The following CCSER1 variants were observed in gnomAD, a reference collection of about 807,000 sequenced individuals.
The protein encoded by CCSER1 is serine-rich coiled-coil domain-containing protein 1.
A neutral mutation model predicts 82.0 loss-of-function variants in CCSER1; 41 were observed. The ratio of observed to expected loss-of-function variants is 0.50; its 90% CI spans 0.39 to 0.65. The LOEUF is 0.65. CCSER1 is among the 30% of genes least tolerant of loss of function. The pLI is 0.00. For synonymous variants in CCSER1, 414 were observed against 383.9 expected, an observed-to-expected ratio of 1.08 and a Z score of -0.92; for missense variants, 1,119 against 1,064.2, an observed-to-expected ratio of 1.05 and a Z score of -0.72.
intron 1 of CCSER1, among the ~76,000 whole-genome samples, chr4:90,215,847 T>C (rs1740899697): frequency 6.6e-6 from 1 of 152,164 alleles, no homozygotes; most frequent in African/African-American, 2.4e-5. Flanking sequence ...CAGGCTTTAC[T>C]ACCTGAGAAC....
chr4:91,249,808 C>T (rs1740112389), intron 10 of CCSER1, among the ~76,000 whole-genome samples: 2 of 151,978 alleles, frequency 1.3e-5, no homozygotes, highest in South Asian at 4.2e-4. Context: ...TGCTGGGCAC[C>T]TATTCATGGT....
At chr4:91,402,478 G>A (rs571997359) in intron 10 of CCSER1, among the ~76,000 whole-genome samples, 160 of 152,266 alleles carry the variant, frequency 1.1e-3, no homozygotes, top group African/African-American at 3.4e-3. Context: ...CCATGCCTAT[G>A]TCCTGAATGG....
intron 3 of CCSER1, among the ~76,000 whole-genome samples, chr4:90,357,027 G>T (rs1324532156): frequency 6.6e-6 from 1 of 151,820 alleles, no homozygotes; most frequent in Admixed American, 6.6e-5. Context: ...CTTTTTGCGG[G>T]TCTGGTAAAA....
chr4:90,738,154 G>C (rs1333661557), intron 7 of CCSER1, among the ~76,000 whole-genome samples: 1 of 152,144 alleles, frequency 6.6e-6, no homozygotes, highest in African/African-American at 2.4e-5. Flanking sequence ...CTTGATGCTT[G>C]TGGATATTCA....
intron 10 of CCSER1, among the ~76,000 whole-genome samples, chr4:91,333,088 C>T (rs193042332): frequency 6.6e-6 from 1 of 152,018 alleles, no homozygotes; most frequent in African/African-American, 2.4e-5. Context: ...GTCACAAAGG[C>T]AATCTTCGCG....
rs568792072 is a variant in CCSER1, at chr4:90,447,644, A to G, written c.1604-20590A>G. 1.1e-4 allele frequency among the ~76,000 whole-genome samples: 17 copies of G among 152,316 alleles called. No individual in the cohort carries two copies. The South Asian group carries it at 2.7e-3, about 24-fold the overall frequency. ...AGGCAGATTAAAAACTAAAACTTGC[A>G]TTGTATCTTGGTTTATATTGTGTTG... On this transcript the variant is annotated intron_variant, in intron 4 of 10. Coordinates refer to ENST00000509176, the MANE Select transcript of CCSER1 (RefSeq NM_001145065.2).
At chr4:90,649,221 A>T (rs772887170) in intron 6 of CCSER1, among the ~76,000 whole-genome samples, 2 of 152,206 alleles carry the variant, frequency 1.3e-5, no homozygotes, top group African/African-American at 2.4e-5. Flanking sequence ...ATCAACTTTG[A>T]TTCAGGTTTG....
intron 1 of CCSER1, among the ~76,000 whole-genome samples, chr4:90,198,041 A>G (rs966333625): frequency 1.3e-5 from 2 of 152,182 alleles, no homozygotes; most frequent in African/African-American, 4.8e-5. Flanking sequence ...CATGTACCCC[A>G]TAAACATATA....
At chr4:90,207,775 G>A (rs1739168052) in intron 1 of CCSER1, among the ~76,000 whole-genome samples, 1 of 152,166 alleles carries the variant, frequency 6.6e-6, no homozygotes, top group Non-Finnish European at 1.5e-5. Context: ...GTCTGCTGGA[G>A]TTTGCTTGAG....
chr4:90,309,043 A>G lies in CCSER1; in HGVS notation c.759A>G (p.Thr253=). Residue 253 remains threonine (T), a synonymous_variant, in exon 2 of 11, where the codon ACA becomes ACG. Coordinates refer to ENST00000509176, the MANE Select transcript of CCSER1 (RefSeq NM_001145065.2). ...QSPLLSADLT[T]AQTPSEFLAL... ...CTTTGCTTTCTGCTGATCTTACCACAGCTCAGACACCTTCAGAATTTTTAG... is the reference window on the plus strand; with the variant it reads ...CTTTGCTTTCTGCTGATCTTACCACGGCTCAGACACCTTCAGAATTTTTAG... 6.2e-7 allele frequency: 1 copy of G among 1,613,854 alleles called. No homozygotes were observed. Among genetic ancestry groups the G allele is most frequent in the Non-Finnish European group, 8.5e-7 (1 of 1,179,858 alleles).
At chr4:90,350,473 G>C (rs1743229652) in intron 3 of CCSER1, among the ~76,000 whole-genome samples, 1 of 151,870 alleles carries the variant, frequency 6.6e-6, no homozygotes, top group African/African-American at 2.4e-5. Flanking sequence ...GAAAGGAAGA[G>C]GTAAGATTGT....
chr4:91,392,072 ACAT>A (rs970567706), intron 10 of CCSER1, among the ~76,000 whole-genome samples: 4 of 152,242 alleles, frequency 2.6e-5, no homozygotes, highest in African/African-American at 9.6e-5. Context: ...AGATACTGTC[ACAT>A]CATAGTATTG....
intron 8 of CCSER1, among the ~76,000 whole-genome samples, chr4:90,905,933 T>C (rs1322573154): frequency 6.6e-6 from 1 of 152,188 alleles, no homozygotes; most frequent in Admixed American, 6.6e-5. Context: ...TATACAATTT[T>C]ATTTTAGTTC....
intron 8 of CCSER1, among the ~76,000 whole-genome samples, chr4:90,913,820 A>G (rs1253888797): frequency 2.2e-5 from 1 of 45,126 alleles, no homozygotes; most frequent in African/African-American, 3.8e-4. Context: ...ATGGAAAACA[A>G]AAAAAAAGGC....
At chr4:90,695,838 T>G (rs917300536) in intron 6 of CCSER1, among the ~76,000 whole-genome samples, 9 of 152,030 alleles carry the variant, frequency 5.9e-5, no homozygotes, top group African/African-American at 2.2e-4. Flanking sequence ...CATCATACTT[T>G]ATGAGTGCAA....
At chr4:91,268,340 A>G (rs1741760190) in intron 10 of CCSER1, among the ~76,000 whole-genome samples, 1 of 152,124 alleles carries the variant, frequency 6.6e-6, no homozygotes. Context: ...ATTTATTATT[A>G]CCCTTATAGG....
chr4:90,954,806 CA>C (rs1382048484), intron 9 of CCSER1, among the ~76,000 whole-genome samples: 1 of 151,794 alleles, frequency 6.6e-6, no homozygotes, highest in Middle Eastern at 3.2e-3. Context: ...AAATGATTAT[CA>C]AGTGATAAAA....
chr4:90,879,482 A>G (rs1383673389), intron 8 of CCSER1, among the ~76,000 whole-genome samples: 3 of 129,220 alleles, frequency 2.3e-5, no homozygotes. Context: ...TAATAATAAT[A>G]AAAGAGGAAG....
chr4:90,199,649 T>G (rs747471165), intron 1 of CCSER1, among the ~76,000 whole-genome samples: 4 of 152,184 alleles, frequency 2.6e-5, no homozygotes, highest in African/African-American at 7.2e-5. Context: ...GGAGAGAGAC[T>G]TTAGCTAATC....
Sources: gnomAD v4.1 joint callset for allele counts (sites outside exome capture counted in the v4.1 genomes callset) on GRCh38, gnomAD v4.1.1 for gene constraint, MANE v1.5 for transcripts, NCBI Gene and HGNC (gene_info 2026-07-23, HGNC 2026-07-21) for gene names.